Variants in RECQL4 observed in about 807,000 individuals in gnomAD.
The protein encoded by RECQL4 is ATP-dependent DNA helicase Q4.
Under a neutral mutation model 128.6 loss-of-function variants are expected in RECQL4, and 158 were observed. The observed-to-expected ratio is 1.23, with a 90% confidence interval of 1.08 to 1.40. RECQL4 has a LOEUF of 1.40. Among genes scored for constraint, RECQL4 ranks in the 40% most tolerant of loss-of-function variants. RECQL4 has a pLI of 0.00. For synonymous variants in RECQL4, 996 were observed against 678.9 expected, an observed-to-expected ratio of 1.47 and a Z score of -7.26; for missense variants, 2,293 against 1,649.8, an observed-to-expected ratio of 1.39 and a Z score of -6.75.
chr8:144,514,069 G>T lies in RECQL4; in HGVS notation c.1917C>A (p.Gly639=). 6.3e-7 allele frequency: 1 copy of T among 1,590,790 alleles called. No individual in the cohort carries two copies. Among genetic ancestry groups the T allele is most frequent in the Non-Finnish European group, 8.5e-7 (1 of 1,169,904 alleles). Residue 639 remains glycine, a synonymous_variant, in exon 12 of 21, where the codon GGC becomes GGA. Coordinates refer to ENST00000617875, the MANE Select transcript of RECQL4 (RefSeq NM_004260.4). ...TGCGGCGTGTGGCTGTGGCTGTGAG[G>T]CCCAGGAAGCAGTGCACGCCCATGC... ...RERMGVHCFL[G]LTATATRRTA... is the part of the protein sequence containing the mutation.
rs779426316 is a variant in RECQL4, at chr8:144,514,485, T to C, written c.1661A>G (p.His554Arg). The C allele has an allele frequency of 4.3e-6, 7 of 1,612,098 alleles. No homozygotes were observed. The highest frequency in any genetic ancestry group is 1.1e-5 in the South Asian group (1 of 91,024). ...CCGTTGCTTCCTGGTCATGCCCGAG[T>C]GTATGCAGGCCGCCTTGAGACACGG... is the stretch of plus-strand genomic sequence containing the variant. ...LPPCLKAACI[H>R]SGMTRKQRES... The change falls in exon 10 of 21, where the codon CAC becomes CGC. Residue 554 changes from histidine to arginine, a missense_variant. His to Arg is a conservative substitution (Grantham distance 29). Transcript: ENST00000617875.
In RECQL4 at chr8:144,516,473, C is replaced by T. The variant is rs201301365; in HGVS notation, c.646G>A (p.Glu216Lys). The change falls in exon 5 of 21, where the codon GAA becomes AAA. Residue 216 changes from glutamate to lysine, a missense_variant. Transcript: ENST00000617875. ...TCACCAGGGATCAGAAGTTGTGATT[C>T]CTCTGAGCCTAGATCAGGCCTGCAG... ...KACRPDLGSE[E>K]SQLLIPGESA... The T allele has an allele frequency of 9.3e-6, 15 of 1,608,436 alleles. No homozygotes were observed. The African/African-American group carries it at 1.9e-4, about 20-fold the overall frequency.
Position 144,513,136 on chromosome 8 carries a change from G to T in RECQL4, c.2466C>A (p.Gly822=), listed in dbSNP as rs767528470. The T allele has an allele frequency of 5.7e-6, 8 of 1,400,304 alleles. No homozygotes were observed. The South Asian group carries it at 8.6e-5, about 15-fold the overall frequency. 86.7% of individuals were successfully genotyped at this position (1,400,304 alleles called of 1,614,324 possible). A position where few individuals can be genotyped will look rare whatever the true frequency, so the allele number is the denominator to read the frequency against. ...AHCHLFLQPQ[G]EDLRELRRHV... ...GTCTGCGCAGCTCTCGCAGGTCTTC[G>T]CCCTGCAGGGCAACTTTCATGAGGG... is the stretch of plus-strand genomic sequence containing the variant. Residue 822 remains glycine (G), a splice_region_variant and synonymous_variant, in exon 15 of 21, where the codon GGC becomes GGA. Transcript: ENST00000617875.
rs777211987 is a variant in RECQL4 at position 144,512,346 on chromosome 8, G to A, written c.3056-22C>T. 5.6e-6 allele frequency: 9 copies of A among 1,611,104 alleles called. No individual in the cohort carries two copies. In the African/African-American group the frequency reaches 9.3e-5, roughly 17 times the overall value. Reference sequence around the variant, plus strand: ...ACACCTGCCGGAAAGCATGTCAGATGCAGGCAGGCAGCGTCCAGGGCGGTG... The same window carrying A: ...ACACCTGCCGGAAAGCATGTCAGATACAGGCAGGCAGCGTCCAGGGCGGTG... On this transcript the variant is annotated intron_variant, in intron 17 of 20. Coordinates refer to ENST00000617875, the MANE Select transcript of RECQL4 (RefSeq NM_004260.4).
Position 144,515,497 on chromosome 8 carries a change from C to T in RECQL4, c.1259-40G>A, listed in dbSNP as rs573190559. The T allele has an allele frequency of 1.2e-4, 197 of 1,611,790 alleles. 2 individuals carry two copies. The Admixed American group carries it at 2.9e-3, about 24-fold the overall frequency. The stretch of plus-strand genomic sequence containing the variant: ...AGAGGGTAGAATGGGAGCTCCAGGT[C>T]GGGCAAGACAACCACTGGCCACAAC... On this transcript the variant is annotated intron_variant, in intron 6 of 20. Transcript: ENST00000617875.
At chr8:144,514,878 G>T in intron 9 of RECQL4, 58 bp downstream of exon 9, 1 of 1,588,312 alleles carries the variant, frequency 6.3e-7, no homozygotes, top group Non-Finnish European at 8.6e-7. Flanking sequence ...GTTGCCCTTG[G>T]GAGTCACAAG....
At position 144,513,241 on chromosome 8, in the gene RECQL4, A is replaced by G; in HGVS notation, c.2440T>C (p.Cys814Arg). 1.3e-6 allele frequency: 2 copies of G among 1,584,874 alleles called. No individual in the cohort carries two copies. The highest frequency in any genetic ancestry group is 1.7e-6 in the Non-Finnish European group (2 of 1,170,424). Reference protein sequence around the residue: ...RAGRDGQPAHCHLFLQPQGED... With the variant: ...RAGRDGQPAHRHLFLQPQGED... ...ACCTGGGGCTGCAGGAAGAGGTGGC[A>G]GTGGGCAGGCTGCCCGTCACGCCCG... The change falls in exon 14 of 21, where the codon TGC (cysteine) becomes CGC (arginine). Residue 814 changes from cysteine (C) to arginine (R), a missense_variant. Transcript: ENST00000617875.
In RECQL4 at chr8:144,513,372, GCCA is replaced by G; in HGVS notation, c.2306_2308del (p.Val769del). ...CAGCCCCATCCCAAAGGCCACCGTG[GCCA>G]CCACCACCCGCAACTGGCCCTGCAT... is the stretch of plus-strand genomic sequence containing the variant. On this transcript the variant is annotated inframe_deletion, in exon 14 of 21. Coordinates refer to ENST00000617875, the MANE Select transcript of RECQL4 (RefSeq NM_004260.4). 2.5e-6 allele frequency: 4 copies of G among 1,606,990 alleles called. No individual in the cohort carries two copies. Among genetic ancestry groups the G allele is most frequent in the Non-Finnish European group, 2.5e-6 (3 of 1,179,676 alleles).
rs898859819 is a variant in RECQL4 at position 144,512,409 on chromosome 8, T to G, written c.3038A>C (p.Asp1013Ala). The G allele has an allele frequency of 6.2e-7, 1 of 1,607,386 alleles. No homozygotes were observed. The highest frequency in any genetic ancestry group is 1.3e-5 in the African/African-American group (1 of 74,968). Reference protein sequence around the residue: ...VRRALCQLQWDHEPRTGVRRG... With the variant: ...VRRALCQLQWAHEPRTGVRRG... ...AGGCGCACCTGTCCTGGGCTCGTGGTCCCACTGCAGCTGGCAGAGAGCCCG... is the reference window on the plus strand; with the variant it reads ...AGGCGCACCTGTCCTGGGCTCGTGGGCCCACTGCAGCTGGCAGAGAGCCCG... Residue 1013 changes from aspartate to alanine, a missense_variant, in exon 17 of 21, where the codon GAC becomes GCC. Asp to Ala is a moderately radical substitution (Grantham distance 126, BLOSUM62 -2). Transcript: ENST00000617875.
chr8:144,513,539 C>A, intron 13 of RECQL4, 32 bp downstream of exon 13: 1 of 1,610,768 alleles, frequency 6.2e-7, no homozygotes, highest in Non-Finnish European at 8.5e-7. Flanking sequence ...CAAGGTGGGT[C>A]CACGGGGACA....
At chr8:144,513,906 T>C (rs1827759298) in intron 12 of RECQL4, 22 bp downstream of exon 12, 3 of 1,545,966 alleles carry the variant, frequency 1.9e-6, no homozygotes, top group Non-Finnish European at 2.6e-6. Flanking sequence ...CCCTGCAGGG[T>C]CCCCAGAGCA....
rs1385207385 is a variant in RECQL4, at chr8:144,514,951, T to C, written c.1605A>G (p.Ser535=). ...GTGTGCACACCTGGTCATCCATGAG[T>C]GACAGCAGGGGAGAGACGACCAACG... is the stretch of plus-strand genomic sequence containing the variant. ...CLTLVVSPLL[S]LMDDQVSGLP... is the part of the protein sequence containing the mutation. Residue 535 remains serine, a synonymous_variant, in exon 9 of 21, where the codon TCA becomes TCG. Coordinates refer to ENST00000617875, the MANE Select transcript of RECQL4 (RefSeq NM_004260.4). The C allele has an allele frequency of 1.9e-6, 3 of 1,611,376 alleles. No individual in the cohort carries two copies. Among genetic ancestry groups the C allele is most frequent in the East Asian group, 2.2e-5 (1 of 44,856 alleles).
At position 144,514,449 on chromosome 8, in the gene RECQL4, A is replaced by G. The variant is rs201648505; in HGVS notation, c.1697T>C (p.Leu566Pro). ...GGCCCATGAGGCCCCCACCTTCTGC[A>G]GGACAGATTCCCGTTGCTTCCTGGT... ...GMTRKQRESV[L>P]QKIRAAQVHV... Residue 566 changes from leucine (L) to proline (P), a missense_variant, in exon 10 of 21, where the codon CTG (leucine) becomes CCG (proline). Physicochemically the swap from Leu to Pro is moderately conservative, Grantham distance 98. Transcript: ENST00000617875. The G allele has an allele frequency of 1.9e-4, 311 of 1,611,976 alleles. 1 individual carries two copies. Among genetic ancestry groups the G allele is most frequent in the Non-Finnish European group, 2.5e-4 (297 of 1,179,374 alleles).
rs376838923 is a variant in RECQL4, at chr8:144,512,752, G to A, written c.2775C>T (p.Cys925=). 14 of 1,611,904 alleles carry A rather than the reference G, an allele frequency of 8.7e-6. No homozygotes were observed. The highest frequency in any genetic ancestry group is 1.3e-5 in the African/African-American group (1 of 74,950). Residue 925 remains cysteine (C), a synonymous_variant, in exon 16 of 21, where the codon TGC becomes TGT. Coordinates refer to ENST00000617875, the MANE Select transcript of RECQL4 (RefSeq NM_004260.4). ...MPEEAIETLL[C]YLELHPHHWL... ...AGTGGTGTGGGTGCAGCTCCAGGTAGCACAGCAAAGTCTCGATGGCTGGGG... is the reference window on the plus strand; with the variant it reads ...AGTGGTGTGGGTGCAGCTCCAGGTAACACAGCAAAGTCTCGATGGCTGGGG...
rs765087683 is a variant in RECQL4, at chr8:144,512,017, C to A, written c.3287G>T (p.Arg1096Leu). The A allele has an allele frequency of 1.9e-6, 3 of 1,608,798 alleles. No individual in the cohort carries two copies. Among genetic ancestry groups the A allele is most frequent in the African/African-American group, 1.3e-5 (1 of 75,018 alleles). Reference sequence around the variant, plus strand: ...GAGCAGGTCCTTGAGCCTGGTGCTGCGCTCCTCATCCTGCTGCTCCAGGCA... The same window carrying A: ...GAGCAGGTCCTTGAGCCTGGTGCTGAGCTCCTCATCCTGCTGCTCCAGGCA... Reference protein sequence around the residue: ...GPCLEQQDEERSTRLKDLLGR... With the variant: ...GPCLEQQDEELSTRLKDLLGR... The change falls in exon 19 of 21, where the codon CGC becomes CTC. Residue 1096 changes from arginine (R) to leucine (L), a missense_variant. By Grantham distance (102) the Arg-to-Leu change is moderately radical. Coordinates refer to ENST00000617875, the MANE Select transcript of RECQL4 (RefSeq NM_004260.4).
chr8:144,511,651 C>A (rs1263631757), intron 20 of RECQL4, 30 bp downstream of exon 20: 1 of 1,609,086 alleles, frequency 6.2e-7, no homozygotes, highest in Non-Finnish European at 8.5e-7. Context: ...CAGCCCCAGC[C>A]TGCAGCGGGT....
rs1034558903 is a variant in RECQL4, at chr8:144,513,303, G to C, written c.2378C>G (p.Pro793Arg). 3 of 1,600,610 alleles carry C rather than the reference G, an allele frequency of 1.9e-6. No individual in the cohort carries two copies. The highest frequency in any genetic ancestry group is 2.5e-6 in the Non-Finnish European group (3 of 1,179,300). Residue 793 changes from proline (P) to arginine (R), a missense_variant, in exon 14 of 21, where the codon CCA becomes CGA. Transcript: ENST00000617875. Reference sequence around the variant, plus strand: ...GGCCTGCACGTAGCTCTCGAAGCTTGGGGGCAGCCCCAGATGCAGCACAGC... The same window carrying C: ...GGCCTGCACGTAGCTCTCGAAGCTTCGGGGCAGCCCCAGATGCAGCACAGC... ...VRAVLHLGLPPSFESYVQAVG... is the reference protein window; with the variant it reads ...VRAVLHLGLPRSFESYVQAVG...
rs766002126 is a variant in RECQL4 at position 144,513,919 on chromosome 8, C to T, written c.2058+9G>A. On this transcript the variant is annotated intron_variant, in intron 12 of 20. Coordinates refer to ENST00000617875, the MANE Select transcript of RECQL4 (RefSeq NM_004260.4). ...GGCCCTGCAGGGTCCCCAGAGCACA[C>T]ACACCCACCTGGTCTGTGTCCCTGT... 6.9e-7 allele frequency: 1 copy of T among 1,449,128 alleles called. No homozygotes were observed. The highest frequency in any genetic ancestry group is 9.2e-7 in the Non-Finnish European group (1 of 1,089,580). The allele number at this position is 1,449,128 out of a possible 1,614,324, so 89.8% of individuals were successfully genotyped here.
chr8:144,515,244 T>C lies in RECQL4; in HGVS notation c.1391-2A>G, dbSNP rs771839491. On this transcript the variant is annotated splice_acceptor_variant, in intron 7 of 20. Transcript: ENST00000617875. LOFTEE classifies it high-confidence loss of function. ...CCTGGAACACCTCAGCCGGCGTCTCTGCAGACACAGATGTTGATCACCATG... is the reference window on the plus strand; with the variant it reads ...CCTGGAACACCTCAGCCGGCGTCTCCGCAGACACAGATGTTGATCACCATG... 6.3e-7 allele frequency: 1 copy of C among 1,597,400 alleles called. No homozygotes were observed. Among genetic ancestry groups the C allele is most frequent in the Non-Finnish European group, 8.5e-7 (1 of 1,172,706 alleles).
Sources: allele counts gnomAD v4.1 joint callset, GRCh38; gene constraint gnomAD v4.1.1; transcripts MANE v1.5; gene names NCBI Gene and HGNC (gene_info 2026-07-23, HGNC 2026-07-21).